Variants in ZNF280D observed in about 807,000 individuals in gnomAD.
The protein encoded by ZNF280D is zinc finger protein 280D.
In ZNF280D, 39 loss-of-function variants were observed where a neutral mutation model predicts 94.7. The ratio of observed to expected loss-of-function variants is 0.41; its 90% CI spans 0.32 to 0.54. ZNF280D has a LOEUF of 0.54. Ranked by LOEUF, ZNF280D falls within the 20% of genes least tolerant of loss-of-function variation. The probability of loss-of-function intolerance (pLI) is 0.22; values close to 1 mark genes in which losing one functional copy is unlikely to be tolerated. For missense variants in ZNF280D, 1,090 were observed against 1,149.3 expected (o/e 0.95, Z 0.75); for synonymous variants, 398 against 377.6 (o/e 1.05, Z -0.63).
intron 16 of ZNF280D, among the ~76,000 whole-genome samples, chr15:56,663,281 CAAAAA>C (rs59183252): frequency 9.8e-6 from 1 of 102,494 alleles, no homozygotes; most frequent in Admixed American, 1.1e-4. Context: ...GACCCTTTCT[CAAAAA>C]AAAAAAAAAA....
chr15:56,704,791 G>A (rs7165831), intron 3 of ZNF280D, among the ~76,000 whole-genome samples: 63,646 of 151,702 alleles, frequency 0.42, 13,674 homozygotes, highest in Middle Eastern at 0.56. Context: ...GACCAGCCTG[G>A]CCAACATGGT....
At chr15:56,687,251 C>A (rs1364017648) in intron 9 of ZNF280D, among the ~76,000 whole-genome samples, 2 of 152,022 alleles carry the variant, frequency 1.3e-5, no homozygotes, top group Admixed American at 1.3e-4. Context: ...GACAGAGATA[C>A]TTTCCTTATT....
At chr15:56,647,068 G>T (rs1039728579) in intron 19 of ZNF280D, among the ~76,000 whole-genome samples, 42 of 152,302 alleles carry the variant, frequency 2.8e-4, no homozygotes, top group Non-Finnish European at 5.9e-4. Context: ...GGTCTTGATT[G>T]CCATGCTAAA....
chr15:56,646,426 G>A (rs1470697511), intron 19 of ZNF280D, among the ~76,000 whole-genome samples: 1 of 152,006 alleles, frequency 6.6e-6, no homozygotes, highest in African/African-American at 2.4e-5. Context: ...AAAACAGCAA[G>A]ACCCTGTCTC....
intron 4 of ZNF280D, among the ~76,000 whole-genome samples, chr15:56,701,995 T>A (rs1040684857): frequency 1.4e-5 from 2 of 142,444 alleles, no homozygotes; most frequent in Non-Finnish European, 3.0e-5. Context: ...TGCCTAAAAT[T>A]GCTGGTTAGA....
At chr15:56,690,021 C>T (rs1307272343) in intron 7 of ZNF280D, among the ~76,000 whole-genome samples, 2 of 152,148 alleles carry the variant, frequency 1.3e-5, no homozygotes, top group African/African-American at 4.8e-5. Context: ...AGTGGTATTA[C>T]CCATTCATCG....
chr15:56,701,217 G>C lies in ZNF280D; in HGVS notation c.197C>G (p.Pro66Arg), dbSNP rs1157723878. The C allele has an allele frequency of 2.5e-6, 4 of 1,575,608 alleles. No homozygotes were observed. The highest frequency in any genetic ancestry group is 3.5e-6 in the Non-Finnish European group (4 of 1,158,884). ...AISNILNRVN[P>R]SSYSRGLKNG... is the part of the protein sequence containing the mutation. ...CTTTAGTCCCCTTGAATATGAGCTG[G>C]GGTTAACTCTGTTCAAAATATCTAT... The change falls in exon 5 of 22, where the codon CCC (proline) becomes CGC (arginine). Residue 66 changes from proline to arginine, a missense_variant. Around this residue, in one of 3 missense-constraint regions of ZNF280D, gnomAD observed 386 missense variants for 372.0 expected, o/e 1.04. Coordinates refer to ENST00000267807, the MANE Select transcript of ZNF280D (RefSeq NM_017661.4).
chr15:56,657,837 G>A (rs1161574599), intron 17 of ZNF280D, among the ~76,000 whole-genome samples: 2 of 152,026 alleles, frequency 1.3e-5, no homozygotes, highest in Non-Finnish European at 2.9e-5. Context: ...TCAGCATGGA[G>A]TTATCAAACA....
At chr15:56,632,250 C>T in intron 21 of ZNF280D, 128 bp from the exon 22 acceptor site, 1 of 866,864 alleles carries the variant, frequency 1.2e-6, no homozygotes, top group Non-Finnish European at 1.7e-6. Flanking sequence ...GAAAACAGTC[C>T]AAGTTCCCAA....
chr15:56,692,062 AT>A (rs1300169967), intron 7 of ZNF280D, among the ~76,000 whole-genome samples: 1 of 152,092 alleles, frequency 6.6e-6, no homozygotes, highest in African/African-American at 2.4e-5. Flanking sequence ...AGGAGTCATT[AT>A]TTCTCTTTAT....
At chr15:56,689,210 C>T (rs2056268212) in intron 8 of ZNF280D, 60 bp from the exon 9 acceptor site, 1 of 1,556,244 alleles carries the variant, frequency 6.4e-7, no homozygotes, top group Admixed American at 1.9e-5. Context: ...CTTAAATAAC[C>T]ACTAATAATA....
At chr15:56,632,882 G>C (rs1465257990) in intron 21 of ZNF280D, among the ~76,000 whole-genome samples, 1 of 150,956 alleles carries the variant, frequency 6.6e-6, no homozygotes, top group Admixed American at 6.6e-5. Context: ...ATTTTTAATA[G>C]CCCAATTTAA....
chr15:56,698,783 G>C (rs1456237159), intron 6 of ZNF280D: 1 of 152,218 alleles, frequency 6.6e-6, no homozygotes, highest in Non-Finnish European at 1.5e-5. Flanking sequence ...TTATTGGGAA[G>C]ACCTACGTGG....
intron 19 of ZNF280D, among the ~76,000 whole-genome samples, chr15:56,644,792 T>C (rs534019195): frequency 7.6e-4 from 115 of 152,204 alleles, no homozygotes; most frequent in Non-Finnish European, 1.4e-3. Context: ...GTGATGGAGG[T>C]TGGTGACAGA....
intron 21 of ZNF280D, among the ~76,000 whole-genome samples, chr15:56,633,267 C>T (rs879706016): frequency 2.6e-5 from 4 of 152,070 alleles, no homozygotes; most frequent in Non-Finnish European, 4.4e-5. Flanking sequence ...TATTTCTCTG[C>T]TATTTGTTTT....
rs2056513083 is a variant in ZNF280D, at chr15:56,692,983, C to A, written c.499+115G>T. On this transcript the variant is annotated intron_variant, in intron 7 of 21. Transcript: ENST00000267807. ...CAAGTACTAGTGACGTTCCACCTTACAATATATGAAAAACTTCACACAAGG... is the reference window on the plus strand; with the variant it reads ...CAAGTACTAGTGACGTTCCACCTTAAAATATATGAAAAACTTCACACAAGG... The A allele has an allele frequency of 4.9e-6, 3 of 606,134 alleles. 1 individual carries two copies. Among genetic ancestry groups the A allele is most frequent in the Non-Finnish European group, 8.9e-6 (3 of 338,494 alleles). The allele number at this position is 606,134 out of a possible 1,614,324, so 37.5% of individuals were successfully genotyped here. A position where few individuals can be genotyped will look rare whatever the true frequency, so the allele number is the denominator to read the frequency against.
chr15:56,702,569 T>C (rs950163443), intron 4 of ZNF280D, among the ~76,000 whole-genome samples: 5 of 152,180 alleles, frequency 3.3e-5, no homozygotes, highest in Non-Finnish European at 7.4e-5. Flanking sequence ...TAAATTCACC[T>C]TGAATCTTAA....
At position 56,678,674 on chromosome 15, in the gene ZNF280D, A is replaced by G; in HGVS notation, c.1152T>C (p.His384=). The G allele has an allele frequency of 1.3e-6, 2 of 1,593,462 alleles. No individual in the cohort carries two copies. Among genetic ancestry groups the G allele is most frequent in the Non-Finnish European group, 1.7e-6 (2 of 1,171,378 alleles). Residue 384 remains histidine, a synonymous_variant, in exon 11 of 22, where the codon CAT becomes CAC. Transcript: ENST00000267807. ...GTATTGGTAACTTACTAGAAAATTCATGGGGCGTATGTGTACTTTCGATGT... is the reference window on the plus strand; with the variant it reads ...GTATTGGTAACTTACTAGAAAATTCGTGGGGCGTATGTGTACTTTCGATGT... ...QCHIESTHTP[H]EFSTICKICE... is the part of the protein sequence containing the mutation.
rs1216037855 is a variant in ZNF280D at position 56,635,180 on chromosome 15, T to G, written c.2315+15A>C. The G allele has an allele frequency of 1.3e-6, 2 of 1,508,106 alleles. No individual in the cohort carries two copies. The highest frequency in any genetic ancestry group is 8.9e-7 in the Non-Finnish European group (1 of 1,117,466). 93.4% of individuals were successfully genotyped at this position (1,508,106 alleles called of 1,614,324 possible). ...TACTTGAATTTTATGAAATTCAGTT[T>G]TTCCTTATATTTACCTTTCAGAATT... On this transcript the variant is annotated intron_variant, in intron 21 of 21. Coordinates refer to ENST00000267807, the MANE Select transcript of ZNF280D (RefSeq NM_017661.4).
Sources: allele counts gnomAD v4.1 joint callset (sites outside exome capture counted in the v4.1 genomes callset), GRCh38; gene constraint gnomAD v4.1.1; regional missense constraint gnomAD v4.1.1; transcripts MANE v1.5; gene names NCBI Gene and HGNC (gene_info 2026-07-23, HGNC 2026-07-21).